Variants in FNBP1L observed in about 807,000 individuals in gnomAD.
The protein encoded by FNBP1L is formin binding protein 1 like.
In FNBP1L, 36 loss-of-function variants were observed where a neutral mutation model predicts 91.2. The observed-to-expected ratio is 0.39, with a 90% CI of 0.30 to 0.52. The LOEUF (loss-of-function observed/expected upper bound fraction) is 0.52. FNBP1L is among the 20% of genes least tolerant of loss of function. The pLI is 0.66. For missense variants in FNBP1L, 571 were observed against 732.1 expected (o/e 0.78, Z 2.54); for synonymous variants, 242 against 237.0 (o/e 1.02, Z -0.19).
At chr1:93,510,799 G>A (rs1284271402) in intron 2 of FNBP1L, among the ~76,000 whole-genome samples, 2 of 152,272 alleles carry the variant, frequency 1.3e-5, no homozygotes, top group East Asian at 3.9e-4. Context: ...CAAGAACTAC[G>A]TGAAGAATGC....
At chr1:93,543,965 T>G in intron 11 of FNBP1L, 142 bp from the exon 12 acceptor site, 1 of 455,162 alleles carries the variant, frequency 2.2e-6, no homozygotes, top group Non-Finnish European at 3.9e-6. Flanking sequence ...CTGTGTAGAT[T>G]TCTTTTTTTT....
intron 1 of FNBP1L, among the ~76,000 whole-genome samples, chr1:93,490,075 G>A (rs1275004545): frequency 6.6e-6 from 1 of 152,092 alleles, no homozygotes; most frequent in Non-Finnish European, 1.5e-5. Context: ...GTACTTTATT[G>A]GTACTTCATT....
At chr1:93,486,681 A>G (rs907447473) in intron 1 of FNBP1L, among the ~76,000 whole-genome samples, 8 of 152,176 alleles carry the variant, frequency 5.3e-5, no homozygotes, top group African/African-American at 1.9e-4. Context: ...AACAGAAGCA[A>G]TCGTAGGAGA....
In FNBP1L at chr1:93,552,541, A is replaced by G; in HGVS notation, c.*125A>G. The G allele has an allele frequency of 1.0e-6, 1 of 965,052 alleles. No individual in the cohort carries two copies. The highest frequency in any genetic ancestry group is 2.7e-5 in the East Asian group (1 of 36,596). 59.8% of individuals were successfully genotyped at this position (965,052 alleles called of 1,614,324 possible). On this transcript the variant is annotated 3_prime_UTR_variant, in exon 17 of 17. Coordinates refer to ENST00000271234, the MANE Select transcript of FNBP1L (RefSeq NM_001164473.3). Reference sequence around the variant, plus strand: ...AAGCAAGTTGCATGAGTGCATGCAGACATGATTTTTTTTTTACTAACTTCA... The same window carrying G: ...AAGCAAGTTGCATGAGTGCATGCAGGCATGATTTTTTTTTTACTAACTTCA...
chr1:93,486,334 G>A (rs1343975023), intron 1 of FNBP1L, among the ~76,000 whole-genome samples: 3 of 152,076 alleles, frequency 2.0e-5, no homozygotes, highest in Admixed American at 6.5e-5. Flanking sequence ...ATGTTGAGAT[G>A]TGCCCAGCTA....
At chr1:93,514,834 T>C (rs1488267729) in intron 2 of FNBP1L, among the ~76,000 whole-genome samples, 1 of 151,918 alleles carries the variant, frequency 6.6e-6, no homozygotes. Context: ...AACCTAGGCA[T>C]TACCATTCAG....
chr1:93,522,060 T>C, intron 2 of FNBP1L, 22 bp from the exon 3 acceptor site: 2 of 1,454,688 alleles, frequency 1.4e-6, no homozygotes, highest in Non-Finnish European at 1.8e-6. Context: ...TTAATAAACT[T>C]TAAAAAATCT....
chr1:93,523,286 A>T, intron 3 of FNBP1L, 58 bp from the exon 4 acceptor site: 1 of 1,525,306 alleles, frequency 6.6e-7, no homozygotes, highest in Non-Finnish European at 8.8e-7. Flanking sequence ...TCCATACCTC[A>T]CCAACATTTG....
intron 1 of FNBP1L, among the ~76,000 whole-genome samples, chr1:93,461,253 T>C (rs1164230287): frequency 2.0e-5 from 3 of 152,328 alleles, no homozygotes; most frequent in South Asian, 4.1e-4. Context: ...CCAATCCTTT[T>C]GTGAAGGCCC....
At chr1:93,486,966 CTCCTT>C (rs935731818) in intron 1 of FNBP1L, among the ~76,000 whole-genome samples, 1 of 152,194 alleles carries the variant, frequency 6.6e-6, no homozygotes, top group African/African-American at 2.4e-5. Flanking sequence ...TATCCTTTCT[CTCCTT>C]TCAAGCAAAA....
At chr1:93,497,877 C>T (rs1268934043) in intron 1 of FNBP1L, among the ~76,000 whole-genome samples, 2 of 151,992 alleles carry the variant, frequency 1.3e-5, no homozygotes, top group Non-Finnish European at 2.9e-5. Context: ...ACCTCGGCCT[C>T]TCAAAGTGCT....
At chr1:93,456,697 C>G (rs1423971983) in intron 1 of FNBP1L, among the ~76,000 whole-genome samples, 1 of 150,754 alleles carries the variant, frequency 6.6e-6, no homozygotes, top group Non-Finnish European at 1.5e-5. Flanking sequence ...GGAGGATCAC[C>G]TGAGCCCAGG....
chr1:93,524,193 A>G (rs762998074), intron 4 of FNBP1L, 68 bp from the exon 5 acceptor site: 2 of 1,283,750 alleles, frequency 1.6e-6, no homozygotes, highest in Non-Finnish European at 2.1e-6. Context: ...GTTTAAATGT[A>G]ATTATTTTTA....
intron 2 of FNBP1L, among the ~76,000 whole-genome samples, chr1:93,509,072 T>C (rs1426173755): frequency 6.6e-6 from 1 of 152,210 alleles, no homozygotes; most frequent in Non-Finnish European, 1.5e-5. Flanking sequence ...TAAATACTCC[T>C]GGACCTTAAT....
At chr1:93,548,175 A>T (rs898640395) in intron 14 of FNBP1L, among the ~76,000 whole-genome samples, 2 of 152,182 alleles carry the variant, frequency 1.3e-5, no homozygotes, top group Non-Finnish European at 2.9e-5. Context: ...AAGAGTACAT[A>T]TCTTTAATCT....
chr1:93,524,406 G>A, intron 5 of FNBP1L, 83 bp downstream of exon 5: 1 of 964,298 alleles, frequency 1.0e-6, no homozygotes, highest in Non-Finnish European at 1.4e-6. Context: ...ATATCTATTT[G>A]AGTTTAATGT....
At chr1:93,516,336 T>G (rs1671113323) in intron 2 of FNBP1L, among the ~76,000 whole-genome samples, 1 of 152,190 alleles carries the variant, frequency 6.6e-6, no homozygotes, top group Non-Finnish European at 1.5e-5. Context: ...CTCTACCACC[T>G]GAGCTATACC....
chr1:93,448,425 G>A, intron 1 of FNBP1L, 120 bp downstream of exon 1: 1 of 1,083,724 alleles, frequency 9.2e-7, no homozygotes, highest in Non-Finnish European at 1.3e-6. Flanking sequence ...CGGCGCTGGC[G>A]GAGGGTGAGG....
At chr1:93,509,628 C>G (rs1273255968) in intron 2 of FNBP1L, among the ~76,000 whole-genome samples, 1 of 152,230 alleles carries the variant, frequency 6.6e-6, no homozygotes, top group East Asian at 1.9e-4. Flanking sequence ...CGAATAGGAA[C>G]AGCTCCGGTC....
Sources: gnomAD v4.1 joint callset for allele counts (sites outside exome capture counted in the v4.1 genomes callset) on GRCh38, gnomAD v4.1.1 for gene constraint, MANE v1.5 for transcripts, NCBI Gene and HGNC (gene_info 2026-07-23, HGNC 2026-07-21) for gene names.